The following TEX9 variants were observed in gnomAD, a reference collection of about 807,000 sequenced individuals.
TEX9 encodes the protein testis expressed 9, also known as testis-expressed protein 9.
In TEX9, 74 loss-of-function variants were observed where a neutral mutation model predicts 59.6. That is an observed-to-expected ratio of 1.24 (90% CI 1.03 to 1.51). The LOEUF (loss-of-function observed/expected upper bound fraction) is 1.51, where lower values mean the gene tolerates loss of function less well. TEX9 is among the 40% of genes most tolerant of loss of function. TEX9 has a pLI of 0.00. For synonymous variants in TEX9, 186 were observed against 152.2 expected, an observed-to-expected ratio of 1.22 and a Z score of -1.64; for missense variants, 522 against 447.8, an observed-to-expected ratio of 1.17 and a Z score of -1.49.
At chr15:56,281,717 C>A (rs2044824671) in intron 1 of TEX9, among the ~76,000 whole-genome samples, 3 of 152,128 alleles carry the variant, frequency 2.0e-5, no homozygotes, top group Admixed American at 1.3e-4. Flanking sequence ...TATTTTTGCA[C>A]CTTATAAACA....
At chr15:56,320,663 A>G (rs1596087094) in intron 1 of TEX9, among the ~76,000 whole-genome samples, 1 of 152,170 alleles carries the variant, frequency 6.6e-6, no homozygotes, top group South Asian at 2.1e-4. Flanking sequence ...CTGTGGAGAT[A>G]GGGAGAGTAA....
chr15:56,390,192 TATA>T, intron 6 of TEX9, among the ~76,000 whole-genome samples: 2 of 151,944 alleles, frequency 1.3e-5, no homozygotes, highest in Non-Finnish European at 2.9e-5. Context: ...TACATGCATA[TATA>T]ACTGGAAAGG....
intron 12 of TEX9, chr15:56,443,706 G>T: frequency 6.2e-7 from 1 of 1,613,122 alleles, no homozygotes; most frequent in Non-Finnish European, 8.5e-7. Flanking sequence ...TCTTCTCTTT[G>T]CTGCTGCATG....
intron 12 of TEX9, chr15:56,444,607 C>A: frequency 6.2e-7 from 1 of 1,613,292 alleles, no homozygotes; most frequent in African/African-American, 1.3e-5. Flanking sequence ...TCTTCTGCAG[C>A]ATTCTCTTCC....
chr15:56,354,586 T>C (rs2046650841), intron 1 of TEX9, among the ~76,000 whole-genome samples: 1 of 152,208 alleles, frequency 6.6e-6, no homozygotes, highest in South Asian at 2.1e-4. Flanking sequence ...ATTTCACAAG[T>C]ATTTAAACCT....
exon 7 of TEX9, chr15:56,391,297 G>A: frequency 1.3e-6 from 2 of 1,590,116 alleles, no homozygotes. Context: ...CCATTCCAGA[G>A]GATTTCTCAG....
At chr15:56,399,425 T>C (rs567352656) in intron 9 of TEX9, among the ~76,000 whole-genome samples, 1 of 152,336 alleles carries the variant, frequency 6.6e-6, no homozygotes, top group South Asian at 2.1e-4. Flanking sequence ...CTGCCATTGC[T>C]GAGGCTTGAG....
intron 1 of TEX9, among the ~76,000 whole-genome samples, chr15:56,316,366 T>A (rs1229095499): frequency 1.3e-5 from 2 of 152,014 alleles, no homozygotes; most frequent in Non-Finnish European, 2.9e-5. Context: ...TTTTCCTTCT[T>A]ACAGAGAGGA....
intron 12 of TEX9, among the ~76,000 whole-genome samples, chr15:56,435,444 A>G (rs1361219225): frequency 6.6e-6 from 1 of 151,862 alleles, no homozygotes; most frequent in Admixed American, 6.6e-5. Context: ...GAAAAAAAAA[A>G]TGAATGAATA....
chr15:56,312,085 T>G (rs1183939471), intron 1 of TEX9, among the ~76,000 whole-genome samples: 2 of 150,348 alleles, frequency 1.3e-5, no homozygotes, highest in Non-Finnish European at 3.0e-5. Flanking sequence ...TTTCTCCCAT[T>G]TTGTAGGTTG....
At chr15:56,459,012 A>G in the TEX9 span, among the ~76,000 whole-genome samples, 1 of 152,232 alleles carries the variant, frequency 6.6e-6, no homozygotes, top group Non-Finnish European at 1.5e-5. Flanking sequence ...TATATAGCAC[A>G]TCTGTGTGTA....
intron 1 of TEX9, among the ~76,000 whole-genome samples, chr15:56,282,990 G>T (rs531555768): frequency 6.6e-6 from 1 of 151,926 alleles, no homozygotes; most frequent in South Asian, 2.1e-4. Flanking sequence ...GATCCAATTT[G>T]TGAAAATAGA....
intron 1 of TEX9, among the ~76,000 whole-genome samples, chr15:56,330,011 C>A (rs2682021): frequency 6.6e-6 from 1 of 150,880 alleles, no homozygotes; most frequent in African/African-American, 2.4e-5. Flanking sequence ...AGAAAGGATC[C>A]TAAAAGGAGC....
intron 6 of TEX9, 60 bp downstream of exon 6, chr15:56,389,460 A>C: frequency 8.5e-7 from 1 of 1,182,480 alleles, no homozygotes; most frequent in Non-Finnish European, 1.2e-6. Context: ...CAATACCATC[A>C]TTCTTAATTA....
At chr15:56,410,262 C>G (rs2049283947) in intron 9 of TEX9, 1 of 152,016 alleles carries the variant, frequency 6.6e-6, no homozygotes, top group South Asian at 2.1e-4. Context: ...TATTTCTTAT[C>G]TGAATTTCTG....
chr15:56,335,752 C>T (rs2046244958), intron 1 of TEX9, among the ~76,000 whole-genome samples: 1 of 152,000 alleles, frequency 6.6e-6, no homozygotes, highest in Non-Finnish European at 1.5e-5. Context: ...CGAAGTATCT[C>T]ATGTAACCCA....
intron 1 of TEX9, among the ~76,000 whole-genome samples, chr15:56,320,466 T>G (rs2045876965): frequency 6.7e-6 from 1 of 149,786 alleles, no homozygotes; most frequent in South Asian, 2.1e-4. Context: ...ACCTTTCTTG[T>G]CTGTGTGTGG....
chr15:56,426,969 G>GTCTC (rs112684663), intron 10 of TEX9, among the ~76,000 whole-genome samples: 162 of 152,024 alleles, frequency 1.1e-3, no homozygotes, highest in African/African-American at 3.7e-3. Context: ...GTACCTAGGA[G>GTCTC]TCTCACCCTC....
intron 1 of TEX9, among the ~76,000 whole-genome samples, chr15:56,272,230 C>T (rs1392126231): frequency 6.6e-6 from 1 of 152,122 alleles, no homozygotes; most frequent in African/African-American, 2.4e-5. Flanking sequence ...CAGAACATTT[C>T]CATCGCCCCA....
Sources: gnomAD v4.1 joint callset for allele counts (sites outside exome capture counted in the v4.1 genomes callset) on GRCh38, gnomAD v4.1.1 for gene constraint, MANE v1.5 for transcripts, NCBI Gene and HGNC (gene_info 2026-07-23, HGNC 2026-07-21) for gene names.